GAA: variants seen among roughly 807,000 people sequenced by gnomAD.
The protein encoded by GAA is alpha glucosidase.
Under a neutral mutation model 103.9 loss-of-function variants are expected in GAA, and 88 were observed. The observed-to-expected ratio is 0.85, with a 90% confidence interval of 0.71 to 1.01. The LOEUF is 1.01. GAA is among the 50% of genes least tolerant of loss of function. The pLI, the probability that GAA is intolerant of heterozygous loss-of-function variation, is 0.00. For synonymous variants in GAA, 572 were observed against 563.1 expected (o/e 1.02, Z -0.22); for missense variants, 1,350 against 1,305.3 (o/e 1.03, Z -0.53).
chr17:80,110,909 A>G (rs1210761433), intron 10 of GAA, 32 bp from the exon 11 acceptor site: 4 of 1,613,648 alleles, frequency 2.5e-6, no homozygotes, highest in Non-Finnish European at 3.4e-6. Flanking sequence ...CACTCTGGGC[A>G]GAGTCACCTA....
chr17:80,108,398 T>C lies in GAA; in HGVS notation c.1064T>C (p.Leu355Pro), dbSNP rs766074609. ...CCCAAGAGCGTGGTGCAGCAGTACCTGGACGTTGTGGGTAGGGCCTGCTCC... is the reference window on the plus strand; with the variant it reads ...CCCAAGAGCGTGGTGCAGCAGTACCCGGACGTTGTGGGTAGGGCCTGCTCC... Reference protein sequence around the residue: ...PEPKSVVQQYLDVVGYPFMPP... With the variant: ...PEPKSVVQQYPDVVGYPFMPP... The change falls in exon 6 of 20, where the codon CTG (leucine) becomes CCG (proline). Residue 355 changes from leucine to proline, a missense_variant. Coordinates refer to ENST00000302262, the MANE Select transcript of GAA (RefSeq NM_000152.5). 4.3e-6 allele frequency: 7 copies of C among 1,613,408 alleles called. No individual in the cohort carries two copies. The highest frequency in any genetic ancestry group is 1.6e-4 in the Middle Eastern group (1 of 6,062).
intron 9 of GAA, among the ~76,000 whole-genome samples, 167 bp from the exon 10 acceptor site, chr17:80,110,560 G>A (rs917839512): frequency 2.0e-5 from 3 of 152,264 alleles, no homozygotes; most frequent in East Asian, 3.8e-4. Context: ...GTGCCTTGTG[G>A]AGAAAGAGCT....
At position 80,108,288 on chromosome 17, in the gene GAA, A is replaced by G. The variant is rs2039141610; in HGVS notation, c.956-2A>G. ...CCAACCCCAGAGCTGCTTCCCTTCC[A>G]GATGTGGTCCTGCAGCCGAGCCCTG... On this transcript the variant is annotated splice_acceptor_variant, in intron 5 of 19. Transcript: ENST00000302262. LOFTEE classifies it high-confidence loss of function. 1.2e-6 allele frequency: 2 copies of G among 1,613,374 alleles called. No homozygotes were observed. Among genetic ancestry groups the G allele is most frequent in the African/African-American group, 1.3e-5 (1 of 74,892 alleles).
intron 8 of GAA, 148 bp from the exon 9 acceptor site, chr17:80,109,797 G>T (rs2039185977): frequency 1.6e-6 from 1 of 622,480 alleles, no homozygotes; most frequent in African/African-American, 1.9e-5. Flanking sequence ...AGGCAGGCGT[G>T]TGCAGGCATG....
intron 3 of GAA, 108 bp downstream of exon 3, chr17:80,106,002 A>T: frequency 7.0e-7 from 1 of 1,424,744 alleles, no homozygotes; most frequent in Non-Finnish European, 9.4e-7. Flanking sequence ...AGGGCGACAC[A>T]TGTTTGTTTC....
rs1022620436 is a variant in GAA at position 80,109,838 on chromosome 17, A to C, written c.1327-107A>C. On this transcript the variant is annotated intron_variant, in intron 8 of 19. Coordinates refer to ENST00000302262, the MANE Select transcript of GAA (RefSeq NM_000152.5). ...GTACACAGGCAGGCATGCTGTACAC[A>C]CGCATGATGTCATCCCCAGCCTCAT... is the stretch of plus-strand genomic sequence containing the variant. 56 of 787,722 alleles carry C rather than the reference A, an allele frequency of 7.1e-5. No individual in the cohort carries two copies. The Middle Eastern group carries it at 2.1e-3, about 30-fold the overall frequency. 48.8% of individuals were successfully genotyped at this position (787,722 alleles called of 1,614,324 possible).
intron 13 of GAA, 55 bp downstream of exon 13, chr17:80,112,766 G>T (rs1382290896): frequency 1.3e-6 from 2 of 1,582,842 alleles, no homozygotes; most frequent in African/African-American, 1.3e-5. Context: ...GGCCTCTATG[G>T]GAGGCTTGCC....
Position 80,119,524 on chromosome 17 carries a change from A to G in GAA, c.*193A>G. ...GGCTCTGGCCCCCAACGTGTCTAGGAGAGCTTTCTCCCTAGATCGCACTGT... is the reference window on the plus strand; with the variant it reads ...GGCTCTGGCCCCCAACGTGTCTAGGGGAGCTTTCTCCCTAGATCGCACTGT... On this transcript the variant is annotated 3_prime_UTR_variant, in exon 20 of 20. Transcript: ENST00000302262. 1.6e-6 allele frequency: 1 copy of G among 632,742 alleles called. No individual in the cohort carries two copies. Among genetic ancestry groups the G allele is most frequent in the Non-Finnish European group, 2.9e-6 (1 of 346,868 alleles). The allele number at this position is 632,742 out of a possible 1,614,324, so 39.2% of individuals were successfully genotyped here. A position where few individuals can be genotyped will look rare whatever the true frequency, so the allele number is the denominator to read the frequency against.
intron 8 of GAA, among the ~76,000 whole-genome samples, 194 bp downstream of exon 8, chr17:80,109,022 C>T (rs1317204621): frequency 1.3e-5 from 2 of 152,116 alleles, no homozygotes; most frequent in African/African-American, 4.8e-5. Context: ...TTTGAGGGTC[C>T]CCAGAAATGG....
Position 80,105,930 on chromosome 17 carries a change from G to C in GAA, c.692+36G>C. On this transcript the variant is annotated intron_variant, in intron 3 of 19. Transcript: ENST00000302262. ...GGCTCTGTGCCAGCATGATGGGGAG[G>C]GCGACGCGCATTTCTCACACGGCAG... 5 of 1,563,202 alleles carry C rather than the reference G, an allele frequency of 3.2e-6. No individual in the cohort carries two copies. The South Asian group carries it at 5.7e-5, about 18-fold the overall frequency.
Position 80,119,619 on chromosome 17 carries a change from G to A in GAA, c.*288G>A. The A allele has an allele frequency of 2.3e-6, 1 of 429,386 alleles. No homozygotes were observed. The highest frequency in any genetic ancestry group is 3.5e-5 in the Admixed American group (1 of 28,750). 26.6% of individuals were successfully genotyped at this position (429,386 alleles called of 1,614,324 possible). A position where few individuals can be genotyped will look rare whatever the true frequency, so the allele number is the denominator to read the frequency against. ...GGTTTGCCCTCCTCACCTGTTGCCGGCATGCGGGTAGTATTAGCCACCCCC... is the reference window on the plus strand; with the variant it reads ...GGTTTGCCCTCCTCACCTGTTGCCGACATGCGGGTAGTATTAGCCACCCCC... On this transcript the variant is annotated 3_prime_UTR_variant, in exon 20 of 20. Transcript: ENST00000302262.
chr17:80,119,837 A>T lies in GAA; in HGVS notation c.*506A>T. ...ATTCACAGGACTTGGGAGATTCTAA[A>T]TCTTAAGTGCAATTATTTTTAATAA... On this transcript the variant is annotated 3_prime_UTR_variant, in exon 20 of 20. Transcript: ENST00000302262. 1 of 178,632 alleles carries T rather than the reference A, an allele frequency of 5.6e-6. No individual in the cohort carries two copies. Among genetic ancestry groups the T allele is most frequent in the Non-Finnish European group, 1.2e-5 (1 of 82,814 alleles). 11.1% of individuals were successfully genotyped at this position (178,632 alleles called of 1,614,324 possible).
chr17:80,113,173 G>C, intron 14 of GAA, 45 bp from the exon 15 acceptor site: 2 of 1,558,336 alleles, frequency 1.3e-6, no homozygotes, highest in Non-Finnish European at 1.7e-6. Flanking sequence ...AGGGGACCGC[G>C]GCCCCAGCAC....
intron 11 of GAA, 137 bp from the exon 12 acceptor site, chr17:80,111,845 CG>C: frequency 1.5e-6 from 1 of 674,222 alleles, no homozygotes; most frequent in South Asian, 1.7e-5. Context: ...GCGTGGGGAG[CG>C]GCTGCAGGTG....
At position 80,111,443 on chromosome 17, in the gene GAA, CAG is replaced by C. The variant is rs2039236030; in HGVS notation, c.1636+419_1636+420del. ...AATTACCAAGAAGAAGCATGGGGGT[CAG>C]GGGGATTCTGGCTGAACTGACCCAG... On this transcript the variant is annotated intron_variant, in intron 11 of 19. Coordinates refer to ENST00000302262, the MANE Select transcript of GAA (RefSeq NM_000152.5). Among the ~76,000 whole-genome samples, 3 of 152,138 alleles carry C rather than the reference CAG, an allele frequency of 2.0e-5. No homozygotes were observed. The South Asian group carries it at 6.2e-4, about 32-fold the overall frequency.
intron 3 of GAA, 30 bp from the exon 4 acceptor site, chr17:80,107,527 G>A (rs773956464): frequency 9.3e-6 from 15 of 1,612,634 alleles, no homozygotes; most frequent in Non-Finnish European, 1.3e-5. Flanking sequence ...CCTTGGGTGT[G>A]AGCAAGCCTG....
At position 80,113,380 on chromosome 17, in the gene GAA, G is replaced by T; in HGVS notation, c.2189+14G>T. 1.3e-6 allele frequency: 2 copies of T among 1,551,688 alleles called. No homozygotes were observed. On this transcript the variant is annotated intron_variant, in intron 15 of 19. Coordinates refer to ENST00000302262, the MANE Select transcript of GAA (RefSeq NM_000152.5). ...CCTCTTCCTGGAGTGAGTGACCTAG[G>T]CAGGGGCGGTGGCCCATGTGTGCCC...
At position 80,104,620 on chromosome 17, in the gene GAA, CTCCT is replaced by C. The variant is rs775312932; in HGVS notation, c.35_38del (p.Leu12ArgfsTer30). 1 of 1,612,850 alleles carries C rather than the reference CTCCT, an allele frequency of 6.2e-7. No homozygotes were observed. The highest frequency in any genetic ancestry group is 8.5e-7 in the Non-Finnish European group (1 of 1,179,920). ...GAGGCACCCGCCCTGCTCCCACCGG[CTCCT>C]GGCCGTCTGCGCCCTCGTGTCCTTG... On this transcript the variant is annotated frameshift_variant, in exon 2 of 20. Transcript: ENST00000302262. LOFTEE classifies it high-confidence loss of function. The surrounding 1 kb of genome is among the most constrained non-coding windows in gnomAD (Gnocchi z 4.0).
chr17:80,102,925 A>G (rs1016406975), intron 1 of GAA, among the ~76,000 whole-genome samples: 3 of 152,300 alleles, frequency 2.0e-5, no homozygotes, highest in African/African-American at 7.2e-5. Context: ...ATTGAATTGA[A>G]TTGTAGGACA....
Sources: gnomAD v4.1 joint callset for allele counts (sites outside exome capture counted in the v4.1 genomes callset) on GRCh38, gnomAD v4.1.1 for gene constraint, Gnocchi (gnomAD v3.1) non-coding constraint, MANE v1.5 for transcripts, NCBI Gene and HGNC (gene_info 2026-07-23, HGNC 2026-07-21) for gene names.